The following EPB41L1 variants were observed in gnomAD, a reference collection of about 807,000 sequenced individuals.
EPB41L1 encodes the protein erythrocyte membrane protein band 4.1 like 1, also known as band 4.1-like protein 1.
A neutral mutation model predicts 97.8 loss-of-function variants in EPB41L1; 29 were observed. The observed-to-expected ratio is 0.30, with a 90% confidence interval of 0.22 to 0.40. The LOEUF (loss-of-function observed/expected upper bound fraction) is 0.40. Among genes scored for constraint, EPB41L1 ranks in the 10% least tolerant of loss-of-function variants. The probability of loss-of-function intolerance (pLI) is 1.00; values close to 1 mark genes in which losing one functional copy is unlikely to be tolerated. For missense variants in EPB41L1, 812 were observed against 1,162.3 expected, an observed-to-expected ratio of 0.70 and a Z score of 4.38; for synonymous variants, 383 against 459.2, an observed-to-expected ratio of 0.83 and a Z score of 2.12.
chr20:36,203,019 G>A (rs757604759), intron 14 of EPB41L1, among the ~76,000 whole-genome samples: 1 of 152,156 alleles, frequency 6.6e-6, no homozygotes, highest in Non-Finnish European at 1.5e-5. Flanking sequence ...GACGGCAGGG[G>A]GCGCTCTGAG....
intron 21 of EPB41L1, among the ~76,000 whole-genome samples, chr20:36,225,310 C>CA (rs1491192938): frequency 1.3e-5 from 2 of 152,190 alleles, no homozygotes; most frequent in African/African-American, 4.8e-5. Flanking sequence ...TCCCAAATCT[C>CA]AGAGTGGTAG....
intron 5 of EPB41L1, among the ~76,000 whole-genome samples, chr20:36,181,438 C>T (rs1054602785): frequency 6.6e-6 from 1 of 152,210 alleles, no homozygotes; most frequent in Non-Finnish European, 1.5e-5. Context: ...TGGTTTTTCA[C>T]ATCTAAGTGT....
chr20:36,223,753 A>G (rs2063929752), intron 21 of EPB41L1, among the ~76,000 whole-genome samples: 1 of 152,188 alleles, frequency 6.6e-6, no homozygotes, highest in Non-Finnish European at 1.5e-5. Flanking sequence ...AAGGGCCAGA[A>G]AGGAACCTTC....
intron 21 of EPB41L1, among the ~76,000 whole-genome samples, chr20:36,227,116 A>T (rs899960224): frequency 4.5e-4 from 69 of 152,230 alleles, no homozygotes; most frequent in African/African-American, 1.4e-3. Context: ...GGGGTTCAAG[A>T]CCAGCCTGGC....
intron 11 of EPB41L1, among the ~76,000 whole-genome samples, chr20:36,192,078 T>C (rs909282289): frequency 6.6e-6 from 1 of 151,928 alleles, no homozygotes. Flanking sequence ...ATACAAAAAT[T>C]AGCCGGGCGT....
chr20:36,152,796 CTGTG>C, upstream of EPB41L1: 1 of 353,884 alleles, frequency 2.8e-6, no homozygotes, highest in South Asian at 2.1e-5. Context: ...CCCCAGGGGC[CTGTG>C]TGAGACTCCC....
At chr20:36,181,895 AC>A (rs1444941803) in intron 5 of EPB41L1, among the ~76,000 whole-genome samples, 1 of 152,172 alleles carries the variant, frequency 6.6e-6, no homozygotes, top group Non-Finnish European at 1.5e-5. Context: ...AAGCAGGGTG[AC>A]CTTGGGCTAA....
intron 14 of EPB41L1, among the ~76,000 whole-genome samples, chr20:36,200,721 TAC>T (rs2062448562): frequency 2.0e-5 from 3 of 152,300 alleles, no homozygotes; most frequent in African/African-American, 7.2e-5. Context: ...CCACAAATCC[TAC>T]AGATATGGGA....
intron 2 of EPB41L1, chr20:36,121,946 TG>T (rs1158132631): frequency 7.2e-5 from 11 of 152,208 alleles, no homozygotes; most frequent in African/African-American, 2.7e-4. Flanking sequence ...TGAAGGGTGG[TG>T]AAACCAAAGC....
intron 1 of EPB41L1, among the ~76,000 whole-genome samples, chr20:36,101,133 G>A (rs772872763): frequency 1.3e-5 from 2 of 152,200 alleles, no homozygotes; most frequent in Non-Finnish European, 2.9e-5. Context: ...TGGGAGCTTG[G>A]ATATGCTGCA....
In EPB41L1 at chr20:36,126,693, C is replaced by T. The variant is rs901192286; in HGVS notation, c.-10+14213C>T. Reference sequence around the variant, plus strand: ...TGGAATGTTTTGTGTATTTATTCCACGGCTCTGGACCAAGACTAGGCAACT... The same window carrying T: ...TGGAATGTTTTGTGTATTTATTCCATGGCTCTGGACCAAGACTAGGCAACT... On this transcript the variant is annotated intron_variant, in intron 2 of 19. Coordinates refer to the EPB41L1 transcript ENST00000202028. Among the ~76,000 whole-genome samples the T allele has an allele frequency of 5.3e-5, 8 of 152,268 alleles. No homozygotes were observed. In the East Asian group the frequency reaches 1.2e-3, roughly 22 times the overall value.
At chr20:36,102,770 A>G (rs2147512014) in intron 1 of EPB41L1, among the ~76,000 whole-genome samples, 1 of 152,236 alleles carries the variant, frequency 6.6e-6, no homozygotes, top group Non-Finnish European at 1.5e-5. Context: ...CACATGCCCA[A>G]ATGCTCAAGT....
In EPB41L1 at chr20:36,206,420, C is replaced by G. The variant is rs2062810458; in HGVS notation, c.1669-3068C>G. Reference sequence around the variant, plus strand: ...CTATTGGATCCAGCCCACGCAGAAGCCAGAGCTGAGTTGAGCAATGAAACT... The same window carrying G: ...CTATTGGATCCAGCCCACGCAGAAGGCAGAGCTGAGTTGAGCAATGAAACT... On this transcript the variant is annotated intron_variant, in intron 14 of 21. Transcript: ENST00000338074. The surrounding 1 kb of genome is among the most constrained non-coding windows in gnomAD (Gnocchi z 5.5). 7.0e-6 allele frequency: 9 copies of G among 1,289,996 alleles called. No individual in the cohort carries two copies. Among genetic ancestry groups the G allele is most frequent in the Non-Finnish European group, 8.1e-6 (8 of 988,916 alleles). 79.9% of individuals were successfully genotyped at this position (1,289,996 alleles called of 1,614,324 possible).
At chr20:36,118,018 C>T (rs141366583) in intron 2 of EPB41L1, among the ~76,000 whole-genome samples, 1 of 152,340 alleles carries the variant, frequency 6.6e-6, no homozygotes, top group African/African-American at 2.4e-5. Flanking sequence ...GGGCATCCCT[C>T]TGTGGGATGT....
chr20:36,205,058 T>C (rs2062723220), intron 14 of EPB41L1, among the ~76,000 whole-genome samples: 1 of 152,228 alleles, frequency 6.6e-6, no homozygotes, highest in South Asian at 2.1e-4. Flanking sequence ...GAATGGGCCC[T>C]GGTATTTGTT....
At chr20:36,146,861 A>AG (rs2059857110) in intron 2 of EPB41L1, among the ~76,000 whole-genome samples, 2 of 151,818 alleles carry the variant, frequency 1.3e-5, no homozygotes, top group African/African-American at 4.8e-5. Context: ...AAAAAAAAAA[A>AG]GGAGGTCAGG....
chr20:36,125,219 A>C (rs1217241086), intron 2 of EPB41L1, among the ~76,000 whole-genome samples: 1 of 152,182 alleles, frequency 6.6e-6, no homozygotes, highest in East Asian at 1.9e-4. Context: ...CTATTCCTAC[A>C]GGCCCAGAAG....
chr20:36,108,533 G>A (rs901759442), intron 1 of EPB41L1, among the ~76,000 whole-genome samples: 2 of 151,720 alleles, frequency 1.3e-5, no homozygotes, highest in African/African-American at 4.8e-5. Context: ...AATTAGCCAA[G>A]CATGGAGGTG....
rs757708154 is a variant in EPB41L1 at position 36,197,979 on chromosome 20, C to T, written c.1606C>T (p.Arg536Cys). 16 of 1,613,916 alleles carry T rather than the reference C, an allele frequency of 9.9e-6. No homozygotes were observed. Among genetic ancestry groups the T allele is most frequent in the Middle Eastern group, 1.6e-4 (1 of 6,082 alleles). The change falls in exon 14 of 22, where the codon CGC becomes TGC. Residue 536 changes from arginine (R) to cysteine (C), a missense_variant. By Grantham distance (180) the Arg-to-Cys change is radical (BLOSUM62 -3). Coordinates refer to ENST00000338074, the MANE Select transcript of EPB41L1 (RefSeq NM_012156.2). Reference sequence around the variant, plus strand: ...CCGGGATCGAGACTGGGAACGGGAGCGCAGGCTGCCCTCCTCCCCCGCCTC... The same window carrying T: ...CCGGGATCGAGACTGGGAACGGGAGTGCAGGCTGCCCTCCTCCCCCGCCTC... ...IHRDRDWERE[R>C]RLPSSPASPS...
Sources: gnomAD v4.1 joint callset for allele counts (sites outside exome capture counted in the v4.1 genomes callset) on GRCh38, gnomAD v4.1.1 for gene constraint, Gnocchi (gnomAD v3.1) non-coding constraint, MANE v1.5 for transcripts, NCBI Gene and HGNC (gene_info 2026-07-23, HGNC 2026-07-21) for gene names.